The following ELOVL6 variants were observed in gnomAD, a reference collection of about 807,000 sequenced individuals.
ELOVL6 encodes the protein ELOVL fatty acid elongase 6, also known as very long chain fatty acid elongase 6.
In ELOVL6, 8 loss-of-function variants were observed where a neutral mutation model predicts 31.7. The ratio of observed to expected loss-of-function variants is 0.25; its 90% CI spans 0.15 to 0.45. The LOEUF is 0.45. Among genes scored for constraint, ELOVL6 ranks in the 20% least tolerant of loss-of-function variants. The pLI is 1.00. For missense variants in ELOVL6, 126 were observed against 326.4 expected (o/e 0.39, Z 4.73); for synonymous variants, 101 against 117.7 (o/e 0.86, Z 0.92).
chr4:110,160,426 T>C (rs1193149054), intron 1 of ELOVL6, among the ~76,000 whole-genome samples: 1 of 152,210 alleles, frequency 6.6e-6, no homozygotes, highest in Non-Finnish European at 1.5e-5. Flanking sequence ...CTATCAGACA[T>C]GCTATGTATA....
chr4:110,058,625 A>T (rs996378253), intron 3 of ELOVL6, among the ~76,000 whole-genome samples: 1 of 152,210 alleles, frequency 6.6e-6, no homozygotes, highest in African/African-American at 2.4e-5. Flanking sequence ...AGGAAAGTAC[A>T]ACACCAAACT....
intron 1 of ELOVL6, among the ~76,000 whole-genome samples, chr4:110,178,209 G>C (rs965476780): frequency 3.9e-5 from 6 of 152,066 alleles, no homozygotes; most frequent in African/African-American, 1.2e-4. Context: ...TTAAAAGTTA[G>C]GCTACAGAAA....
At chr4:110,055,237 T>C (rs1393355332) in intron 3 of ELOVL6, among the ~76,000 whole-genome samples, 16 of 152,210 alleles carry the variant, frequency 1.1e-4, no homozygotes, top group Admixed American at 1.0e-3. Flanking sequence ...GCCAGAGTCA[T>C]GCCAAGTCAT....
chr4:110,161,017 G>T (rs1039069631), intron 1 of ELOVL6, among the ~76,000 whole-genome samples: 16 of 152,182 alleles, frequency 1.1e-4, no homozygotes, highest in African/African-American at 3.6e-4. Flanking sequence ...GCTGCTACAT[G>T]AAAGAATGCT....
chr4:110,108,145 G>A (rs920178280), intron 1 of ELOVL6, among the ~76,000 whole-genome samples: 4 of 152,086 alleles, frequency 2.6e-5, no homozygotes, highest in African/African-American at 9.7e-5. Flanking sequence ...CTGAGCCTGG[G>A]AAGCTTTCAT....
At chr4:110,081,976 A>T (rs1336736896) in intron 2 of ELOVL6, among the ~76,000 whole-genome samples, 1 of 151,512 alleles carries the variant, frequency 6.6e-6, no homozygotes, top group Non-Finnish European at 1.5e-5. Flanking sequence ...TTATGCAGCC[A>T]AAAGACACAT....
chr4:110,083,417 G>C (rs1755943249), intron 2 of ELOVL6, among the ~76,000 whole-genome samples: 1 of 151,800 alleles, frequency 6.6e-6, no homozygotes, highest in East Asian at 1.9e-4. Context: ...AAATCACTAA[G>C]CACTAATCAG....
chr4:110,188,970 C>T (rs1759527052), intron 1 of ELOVL6, among the ~76,000 whole-genome samples: 1 of 151,820 alleles, frequency 6.6e-6, no homozygotes, highest in South Asian at 2.1e-4. Context: ...TATCATTGCT[C>T]CTGAATGAAG....
intron 1 of ELOVL6, among the ~76,000 whole-genome samples, chr4:110,161,172 C>G (rs1758620205): frequency 1.3e-5 from 2 of 152,126 alleles, no homozygotes; most frequent in Non-Finnish European, 2.9e-5. Flanking sequence ...GGATTATATA[C>G]AGCCTGAACA....
intron 3 of ELOVL6, among the ~76,000 whole-genome samples, chr4:110,052,408 C>A (rs1235235004): frequency 6.6e-6 from 1 of 152,072 alleles, no homozygotes; most frequent in Non-Finnish European, 1.5e-5. Context: ...AAAAGGGGGA[C>A]AAAAATCCTC....
chr4:110,048,732 T>C lies in ELOVL6; in HGVS notation c.*2606A>G, dbSNP rs2126217558. 1 of 152,326 alleles carries C rather than the reference T, an allele frequency of 6.6e-6. No individual in the cohort carries two copies. The highest frequency in any genetic ancestry group is 1.9e-4 in the East Asian group (1 of 5,188). The allele number at this position is 152,326 out of a possible 1,614,324, so 9.4% of individuals were successfully genotyped here. On this transcript the variant is annotated 3_prime_UTR_variant, in exon 4 of 4. Transcript: ENST00000302274. The stretch of plus-strand genomic sequence containing the variant: ...TTTTGTTTTAAAAAAAATGTGGCTT[T>C]TTTCCTCCCATGATAAACATTGGAA...
chr4:110,126,593 T>C (rs1395663714), intron 1 of ELOVL6, among the ~76,000 whole-genome samples: 2 of 152,208 alleles, frequency 1.3e-5, no homozygotes, highest in African/African-American at 4.8e-5. Context: ...AACAACCCTA[T>C]GTACACACAC....
At chr4:110,117,903 A>AAATATATAT in intron 1 of ELOVL6, 3 of 6,506 alleles carry the variant, frequency 4.6e-4, no homozygotes, top group African/African-American at 9.8e-4. Context: ...AAAAAAAAAA[A>AAATATATAT]ATATATATAT....
At chr4:110,055,791 A>G (rs1407745512) in intron 3 of ELOVL6, among the ~76,000 whole-genome samples, 9 of 152,226 alleles carry the variant, frequency 5.9e-5, no homozygotes, top group Non-Finnish European at 1.3e-4. Flanking sequence ...TAACAAAACA[A>G]AATCTCAGCG....
At chr4:110,086,321 G>A (rs991171439) in intron 2 of ELOVL6, among the ~76,000 whole-genome samples, 1 of 152,104 alleles carries the variant, frequency 6.6e-6, no homozygotes, top group Non-Finnish European at 1.5e-5. Flanking sequence ...TAGGGATGTG[G>A]TTGCATTTTA....
intron 1 of ELOVL6, among the ~76,000 whole-genome samples, chr4:110,189,438 T>G (rs1234204556): frequency 6.7e-6 from 1 of 149,774 alleles, no homozygotes; most frequent in Non-Finnish European, 1.5e-5. Context: ...AATACAAAAA[T>G]TAGGCAGGTG....
At chr4:110,111,339 C>CT (rs1462011527) in intron 1 of ELOVL6, among the ~76,000 whole-genome samples, 1 of 139,088 alleles carries the variant, frequency 7.2e-6, no homozygotes, top group Non-Finnish European at 1.5e-5. Flanking sequence ...TATCAATTCC[C>CT]TTTGTTTCCT....
At chr4:110,129,133 T>A (rs1297080717) in intron 1 of ELOVL6, among the ~76,000 whole-genome samples, 1 of 152,228 alleles carries the variant, frequency 6.6e-6, no homozygotes, top group Non-Finnish European at 1.5e-5. Flanking sequence ...AACTAAATTG[T>A]ATTTTGAAAA....
At chr4:110,061,549 C>CTTTTTTTTTTTTTTTTTTTTTTTTT (rs57846282) in intron 2 of ELOVL6, among the ~76,000 whole-genome samples, 7 of 72,380 alleles carry the variant, frequency 9.7e-5, no homozygotes, top group Non-Finnish European at 1.3e-4. Context: ...CAAATGATGG[C>CTTTTTTTTTTTTTTTTTTTTTTTTT]TTTTTTTTTT....
Sources: allele counts gnomAD v4.1 joint callset (sites outside exome capture counted in the v4.1 genomes callset), GRCh38; gene constraint gnomAD v4.1.1; transcripts MANE v1.5; gene names NCBI Gene and HGNC (gene_info 2026-07-23, HGNC 2026-07-21).